The following MAD2L1BP variants were observed in gnomAD, a reference collection of about 807,000 sequenced individuals.
The protein encoded by MAD2L1BP is MAD2L1 binding protein.
In MAD2L1BP, 22 loss-of-function variants were observed where a neutral mutation model predicts 28.4. That is an observed-to-expected ratio of 0.77 (90% CI 0.55 to 1.10). The LOEUF (loss-of-function observed/expected upper bound fraction) is 1.10. Ranked by LOEUF, MAD2L1BP falls within the 50% of genes least tolerant of loss-of-function variation. The pLI, the probability that MAD2L1BP is intolerant of heterozygous loss-of-function variation, is 0.00. For missense variants in MAD2L1BP, 325 were observed against 350.5 expected, an observed-to-expected ratio of 0.93 and a Z score of 0.58; for synonymous variants, 146 against 133.7, an observed-to-expected ratio of 1.09 and a Z score of -0.63.
At chr6:43,634,242 C>G (rs1770079153), upstream of MAD2L1BP, among the ~76,000 whole-genome samples, 1 of 89,198 alleles carries the variant, frequency 1.1e-5, no homozygotes, top group Non-Finnish European at 2.0e-5. Context: ...TTTTTTGAGT[C>G]ATGGTCTTGC....
upstream of MAD2L1BP, chr6:43,633,239 C>G: frequency 2.4e-6 from 1 of 420,292 alleles, no homozygotes; most frequent in Non-Finnish European, 4.6e-6. Context: ...ATGGCATGAC[C>G]TCAGCTCACC....
upstream of MAD2L1BP, among the ~76,000 whole-genome samples, chr6:43,634,635 A>G (rs909548323): frequency 1.3e-5 from 2 of 151,764 alleles, no homozygotes; most frequent in Non-Finnish European, 2.9e-5. Flanking sequence ...ATCTCAGCTC[A>G]CTGCAACCTC....
upstream of MAD2L1BP, among the ~76,000 whole-genome samples, chr6:43,631,563 A>G (rs1769927858): frequency 1.3e-5 from 2 of 152,262 alleles, no homozygotes; most frequent in South Asian, 4.1e-4. Flanking sequence ...AGCTCATTGC[A>G]GCCTCAACCT....
chr6:43,640,208 T>C lies in MAD2L1BP; in HGVS notation c.500T>C (p.Leu167Pro). 6.2e-7 allele frequency: 1 copy of C among 1,613,972 alleles called. No homozygotes were observed. Among genetic ancestry groups the C allele is most frequent in the Non-Finnish European group, 8.5e-7 (1 of 1,179,952 alleles). Reference sequence around the variant, plus strand: ...CTAAGCCCCAAGGAGTTCTATGAACTCGACTTGTCTCTGCTGGCCCCCTAC... The same window carrying C: ...CTAAGCCCCAAGGAGTTCTATGAACCCGACTTGTCTCTGCTGGCCCCCTAC... ...NALSPKEFYE[L>P]DLSLLAPYSV... The change falls in exon 3 of 3, where the codon CTC (leucine) becomes CCC (proline). Residue 167 changes from leucine to proline, a missense_variant. Coordinates refer to ENST00000372171, the MANE Select transcript of MAD2L1BP (RefSeq NM_014628.3).
exon 1 of MAD2L1BP, chr6:43,629,692 C>G: frequency 2.6e-6 from 4 of 1,539,360 alleles, no homozygotes; most frequent in Non-Finnish European, 3.5e-6. Context: ...AGCTGCAGAA[C>G]TGAGGCTACT....
At chr6:43,630,908 CAAAAAAAAAAAAA>C (rs753239311), upstream of MAD2L1BP, among the ~76,000 whole-genome samples, 4 of 53,608 alleles carry the variant, frequency 7.5e-5, no homozygotes, top group South Asian at 1.6e-3. Context: ...GACTTCGTCT[CAAAAAAAAAAAAA>C]AAAAAAAAAA....
At chr6:43,638,535 G>A (rs1770382740) in intron 2 of MAD2L1BP, among the ~76,000 whole-genome samples, 1 of 151,436 alleles carries the variant, frequency 6.6e-6, no homozygotes, top group Non-Finnish European at 1.5e-5. Flanking sequence ...GGTGGCTCAC[G>A]CCTGTAATCC....
intron 2 of MAD2L1BP, among the ~76,000 whole-genome samples, chr6:43,637,916 GAGA>G (rs1298708024): frequency 4.2e-5 from 6 of 143,448 alleles, no homozygotes; most frequent in Admixed American, 1.4e-4. Context: ...TTCTTTTTTT[GAGA>G]AGGAGTCTCG....
chr6:43,635,837 T>C, upstream of MAD2L1BP: 1 of 1,461,196 alleles, frequency 6.8e-7, no homozygotes, highest in South Asian at 1.4e-5. Context: ...CCGCGAGACC[T>C]TTATTCTAAC....
upstream of MAD2L1BP, chr6:43,635,687 G>C: frequency 1.8e-6 from 1 of 554,088 alleles, no homozygotes; most frequent in Non-Finnish European, 3.1e-6. Flanking sequence ...AGGGTTAGGC[G>C]TACATTTGCC....
intron 2 of MAD2L1BP, among the ~76,000 whole-genome samples, chr6:43,639,486 A>G (rs1446218029): frequency 6.6e-6 from 1 of 152,160 alleles, no homozygotes; most frequent in Non-Finnish European, 1.5e-5. Flanking sequence ...GCATTTGGCT[A>G]GTGTTGTGTA....
At chr6:43,638,129 C>G (rs1032850538) in intron 2 of MAD2L1BP, among the ~76,000 whole-genome samples, 3 of 152,122 alleles carry the variant, frequency 2.0e-5, no homozygotes, top group Non-Finnish European at 4.4e-5. Flanking sequence ...AACTCCTGAC[C>G]TCAAGTGATC....
At chr6:43,639,348 C>T (rs988731271) in intron 2 of MAD2L1BP, among the ~76,000 whole-genome samples, 11 of 152,258 alleles carry the variant, frequency 7.2e-5, no homozygotes, top group Admixed American at 5.2e-4. Flanking sequence ...GCCATGTTAG[C>T]CAGGATGGTC....
rs1237569175 is a variant in MAD2L1BP, at chr6:43,636,666, G to A, written c.312+20G>A. 2 of 1,604,808 alleles carry A rather than the reference G, an allele frequency of 1.2e-6. No homozygotes were observed. The highest frequency in any genetic ancestry group is 2.7e-5 in the African/African-American group (2 of 74,742). On this transcript the variant is annotated intron_variant, in intron 2 of 2. Transcript: ENST00000372171. ...CCCCAGGTAGGCACAGGCTTTGGGA[G>A]CAAGTTGGTGGGAAGACTTTGTGGC...
At chr6:43,637,830 C>T (rs1770327338) in intron 2 of MAD2L1BP, among the ~76,000 whole-genome samples, 1 of 150,530 alleles carries the variant, frequency 6.6e-6, no homozygotes, top group Non-Finnish European at 1.5e-5. Context: ...AACTCCTGAC[C>T]TCAGGTGATC....
In MAD2L1BP at chr6:43,636,652, C is replaced by T. The variant is rs369647583; in HGVS notation, c.312+6C>T. The T allele has an allele frequency of 6.2e-7, 1 of 1,610,146 alleles. No homozygotes were observed. The highest frequency in any genetic ancestry group is 1.3e-5 in the African/African-American group (1 of 74,844). On this transcript the variant is annotated splice_donor_region_variant and intron_variant, in intron 2 of 2. Coordinates refer to ENST00000372171, the MANE Select transcript of MAD2L1BP (RefSeq NM_014628.3). ...ACCGAAAACCTTCTCCCCAGGTAGG[C>T]ACAGGCTTTGGGAGCAAGTTGGTGG...
At chr6:43,638,795 CAAAA>C (rs113277792) in intron 2 of MAD2L1BP, among the ~76,000 whole-genome samples, 44 of 127,214 alleles carry the variant, frequency 3.5e-4, no homozygotes, top group African/African-American at 1.3e-3. Context: ...AACTCTGTCT[CAAAA>C]AAAAAAAAAA....
chr6:43,639,976 TC>T, intron 2 of MAD2L1BP, 44 bp from the exon 3 acceptor site: 1 of 1,497,536 alleles, frequency 6.7e-7, no homozygotes, highest in South Asian at 1.4e-5. Context: ...AGCATTAGCT[TC>T]CCCCTGCCTT....
chr6:43,633,011 A>G (rs1280741176), upstream of MAD2L1BP, among the ~76,000 whole-genome samples: 4 of 151,626 alleles, frequency 2.6e-5, no homozygotes. Flanking sequence ...AACACGAGCA[A>G]AACTCCATCT....
Sources: gnomAD v4.1 joint callset for allele counts (sites outside exome capture counted in the v4.1 genomes callset) on GRCh38, gnomAD v4.1.1 for gene constraint, MANE v1.5 for transcripts, NCBI Gene and HGNC (gene_info 2026-07-23, HGNC 2026-07-21) for gene names.